SETBP1: variants seen among roughly 807,000 people sequenced by gnomAD.
SETBP1 encodes SET binding protein 1, also known as SET-binding protein.
Under a neutral mutation model 101.0 loss-of-function variants are expected in SETBP1, and 9 were observed. That is an observed-to-expected ratio of 0.09 (90% CI 0.05 to 0.16). The LOEUF (loss-of-function observed/expected upper bound fraction) is 0.16, where lower values mean the gene tolerates loss of function less well. SETBP1 is among the 10% of genes least tolerant of loss of function. The pLI, the probability that SETBP1 is intolerant of heterozygous loss-of-function variation, is 1.00. For missense variants in SETBP1, 1,858 were observed against 2,033.8 expected, an observed-to-expected ratio of 0.91 and a Z score of 1.66; for synonymous variants, 818 against 788.5, an observed-to-expected ratio of 1.04 and a Z score of -0.63.
intron 4 of SETBP1, among the ~76,000 whole-genome samples, chr18:44,985,058 T>C (rs1019845548): frequency 2.0e-5 from 3 of 152,064 alleles, no homozygotes; most frequent in African/African-American, 7.2e-5. Flanking sequence ...GGAGAATCAC[T>C]TGAACCCAGG....
At chr18:45,030,590 T>C (rs948630638) in intron 4 of SETBP1, among the ~76,000 whole-genome samples, 1 of 150,414 alleles carries the variant, frequency 6.6e-6, no homozygotes, top group Middle Eastern at 3.4e-3. Context: ...GGAATGGTAC[T>C]AGTTCCTCCT....
chr18:44,697,829 A>G (rs1259685939), intron 1 of SETBP1, among the ~76,000 whole-genome samples: 1 of 152,210 alleles, frequency 6.6e-6, no homozygotes, highest in African/African-American at 2.4e-5. Flanking sequence ...CTTGGGGATG[A>G]TCTGGAAATA....
At position 45,030,767 on chromosome 18, in the gene SETBP1, C is replaced by T. The variant is rs1018176995; in HGVS notation, c.4001-7718C>T. Among the ~76,000 whole-genome samples, 12 of 150,552 alleles carry T rather than the reference C, an allele frequency of 8.0e-5. 1 individual carries two copies. Among genetic ancestry groups the T allele is most frequent in the African/African-American group, 2.7e-4 (11 of 40,206 alleles). ...GGGTGTATGTGTCGAGGAATTTATC[C>T]ATTTCTTCTAGATTTTCTAGTTTGT... On this transcript the variant is annotated intron_variant, in intron 4 of 5. Transcript: ENST00000649279.
intron 2 of SETBP1, among the ~76,000 whole-genome samples, chr18:44,721,645 T>A (rs2069599440): frequency 6.6e-6 from 1 of 151,812 alleles, no homozygotes; most frequent in Non-Finnish European, 1.5e-5. Context: ...GAAGTCAGCA[T>A]ATGTTTGCTT....
chr18:44,980,122 T>G (rs1427766949), intron 4 of SETBP1, among the ~76,000 whole-genome samples: 1 of 152,216 alleles, frequency 6.6e-6, no homozygotes, highest in Non-Finnish European at 1.5e-5. Context: ...GCCTATAATA[T>G]GATCTCAGAT....
chr18:44,726,527 A>G (rs1324560116), intron 2 of SETBP1, among the ~76,000 whole-genome samples: 2 of 152,208 alleles, frequency 1.3e-5, no homozygotes. Flanking sequence ...TCTAGAGAGT[A>G]TATAAAAGAG....
At position 45,033,725 on chromosome 18, in the gene SETBP1, G is replaced by A. The variant is rs147445308; in HGVS notation, c.4001-4760G>A. Among the ~76,000 whole-genome samples the A allele has an allele frequency of 1.4e-3, 217 of 152,292 alleles. 5 individuals carry two copies. The South Asian group carries it at 0.017, about 12-fold the overall frequency. ...TGCCAGGTATACTGTGCTCTGCAGC[G>A]GATGTTACAAAATGAATTACATATG... On this transcript the variant is annotated intron_variant, in intron 4 of 5. Coordinates refer to ENST00000649279, the MANE Select transcript of SETBP1 (RefSeq NM_015559.3).
intron 2 of SETBP1, among the ~76,000 whole-genome samples, chr18:44,716,039 C>T (rs1439084224): frequency 6.6e-6 from 1 of 152,126 alleles, no homozygotes; most frequent in Admixed American, 6.5e-5. Context: ...TCCTGGAGCC[C>T]AGGAAAAAAC....
intron 4 of SETBP1, among the ~76,000 whole-genome samples, chr18:45,005,156 C>A (rs918171515): frequency 1.3e-5 from 2 of 152,198 alleles, no homozygotes; most frequent in African/African-American, 4.8e-5. Context: ...GAAAATACAA[C>A]CTCATGTACT....
At chr18:44,833,149 A>G (rs2072413586) in intron 2 of SETBP1, among the ~76,000 whole-genome samples, 1 of 152,136 alleles carries the variant, frequency 6.6e-6, no homozygotes, top group South Asian at 2.1e-4. Context: ...TATCACCATC[A>G]CCTTGGAGTT....
intron 4 of SETBP1, among the ~76,000 whole-genome samples, chr18:44,999,353 A>G (rs994287244): frequency 6.6e-6 from 1 of 152,252 alleles, no homozygotes; most frequent in Non-Finnish European, 1.5e-5. Context: ...AAGAGCCTCC[A>G]GAACCCAGCA....
Position 44,951,251 on chromosome 18 carries a change from G to A in SETBP1, c.1911G>A (p.Pro637=), listed in dbSNP as rs748627545. Residue 637 remains proline, a synonymous_variant, in exon 4 of 6, where the codon CCG becomes CCA. Transcript: ENST00000649279. The surrounding 1 kb of genome is among the most constrained non-coding windows in gnomAD (Gnocchi z 7.8). ...RNLAKLAQLV[P]GEDKPMSEMK... ...TAGCGAAGTTGGCCCAGCTAGTGCC[G>A]GGAGAGGACAAACCCATGAGCGAGA... 47 of 1,613,944 alleles carry A rather than the reference G, an allele frequency of 2.9e-5. No homozygotes were observed. The highest frequency in any genetic ancestry group is 1.3e-4 in the East Asian group (6 of 44,874).
At chr18:44,711,406 TCCTC>T (rs778483334) in intron 2 of SETBP1, among the ~76,000 whole-genome samples, 17 of 142,362 alleles carry the variant, frequency 1.2e-4, no homozygotes, top group Non-Finnish European at 2.4e-4. Context: ...CTCTCTCCCT[TCCTC>T]CCTCCCTCCC....
chr18:44,940,903 T>C (rs533210678), intron 3 of SETBP1, among the ~76,000 whole-genome samples: 1 of 152,314 alleles, frequency 6.6e-6, no homozygotes, highest in Non-Finnish European at 1.5e-5. Flanking sequence ...AATTCAGGTC[T>C]GCGAGAAATG....
intron 3 of SETBP1, among the ~76,000 whole-genome samples, chr18:44,930,404 T>G (rs909108324): frequency 2.0e-5 from 3 of 152,182 alleles, no homozygotes; most frequent in African/African-American, 2.4e-5. Context: ...TCTCTTTTTT[T>G]GTTGTGTCTC....
chr18:44,925,573 G>C (rs1422642238), intron 3 of SETBP1, among the ~76,000 whole-genome samples: 1 of 152,220 alleles, frequency 6.6e-6, no homozygotes. Flanking sequence ...AAGGAAGGTA[G>C]TGAGTTTTCA....
intron 3 of SETBP1, among the ~76,000 whole-genome samples, chr18:44,887,624 G>A (rs1233516760): frequency 6.6e-6 from 1 of 152,166 alleles, no homozygotes; most frequent in Non-Finnish European, 1.5e-5. Flanking sequence ...AGACTGTAGT[G>A]TGCACAGGCT....
intron 2 of SETBP1, among the ~76,000 whole-genome samples, chr18:44,798,840 C>G (rs115520640): frequency 6.6e-6 from 1 of 152,172 alleles, no homozygotes; most frequent in African/African-American, 2.4e-5. Context: ...TATCTTGGAG[C>G]CTGAGACCTG....
intron 2 of SETBP1, among the ~76,000 whole-genome samples, chr18:44,809,314 C>G (rs2071811238): frequency 6.6e-6 from 1 of 152,126 alleles, no homozygotes. Flanking sequence ...TGGGAAGAGA[C>G]TTCAGAAACT....
Sources: gnomAD v4.1 joint callset for allele counts (sites outside exome capture counted in the v4.1 genomes callset) on GRCh38, gnomAD v4.1.1 for gene constraint, Gnocchi (gnomAD v3.1) non-coding constraint, MANE v1.5 for transcripts, NCBI Gene and HGNC (gene_info 2026-07-23, HGNC 2026-07-21) for gene names.